DOLPP1: variants seen among roughly 807,000 people sequenced by gnomAD.
DOLPP1 encodes dolichyldiphosphatase 1.
In DOLPP1, 15 loss-of-function variants were observed where a neutral mutation model predicts 34.1. The ratio of observed to expected loss-of-function variants is 0.44; its 90% CI spans 0.29 to 0.68. DOLPP1 has a LOEUF of 0.68. DOLPP1 is among the 30% of genes least tolerant of loss of function. DOLPP1 has a pLI of 0.12. For synonymous variants in DOLPP1, 130 were observed against 128.2 expected, an observed-to-expected ratio of 1.01 and a Z score of -0.10; for missense variants, 249 against 307.1, an observed-to-expected ratio of 0.81 and a Z score of 1.41.
chr9:129,082,764 A>G (rs909672440), intron 1 of DOLPP1, among the ~76,000 whole-genome samples: 3 of 151,944 alleles, frequency 2.0e-5, no homozygotes, highest in Non-Finnish European at 4.4e-5. Flanking sequence ...CATTCATTCA[A>G]CAGTTTTTGA....
At position 129,086,760 on chromosome 9, in the gene DOLPP1, A is replaced by G. The variant is rs141291952; in HGVS notation, c.642A>G (p.Val214=). 3.1e-6 allele frequency: 5 copies of G among 1,613,466 alleles called. No homozygotes were observed. The highest frequency in any genetic ancestry group is 1.1e-5 in the South Asian group (1 of 91,076). ...GAGACACAAGCCTCATTCCCAACGT[A>G]CTCTGGTTTGAGTACACGGTAACCC... ...LIRDTSLIPN[V]LWFEYTVTRA... The change falls in exon 7 of 8, where the codon GTA becomes GTG. Residue 214 remains valine, a synonymous_variant. Coordinates refer to ENST00000372546, the MANE Select transcript of DOLPP1 (RefSeq NM_020438.5).
Position 129,085,475 on chromosome 9 carries a change from C to T in DOLPP1, c.363-43C>T, listed in dbSNP as rs1192680174. On this transcript the variant is annotated intron_variant, in intron 4 of 7. Transcript: ENST00000372546. The surrounding 1 kb of genome is among the most constrained non-coding windows in gnomAD (Gnocchi z 7.0). ...CCAGGGACTGTTTGGGAGGCCTGGG[C>T]TGGGCTGTGGGCTGAGGTCATCTGG... 1 of 1,594,906 alleles carries T rather than the reference C, an allele frequency of 6.3e-7. No homozygotes were observed. The highest frequency in any genetic ancestry group is 1.7e-5 in the Admixed American group (1 of 59,748).
chr9:129,085,300 AT>A lies in DOLPP1; in HGVS notation c.359del (p.Leu120Ter). The A allele has an allele frequency of 6.2e-7, 1 of 1,613,648 alleles. No individual in the cohort carries two copies. The highest frequency in any genetic ancestry group is 8.5e-7 in the Non-Finnish European group (1 of 1,179,786). On this transcript the variant is annotated frameshift_variant, in exon 4 of 8. Transcript: ENST00000372546. LOFTEE classifies it high-confidence loss of function. This position sits in a 1 kb window ranked among gnomAD's most constrained non-coding sequence, Gnocchi z 7.0. The stretch of plus-strand genomic sequence containing the variant: ...TCCGTCTATTCCTTCCTTTTCCTGT[AT>A]TTAAGGTGAGTTTCCACCCCGGTCA... ...FFSVYSFLFL[Y>X]LRMHQTNNAR... is the part of the protein sequence containing the mutation.
In DOLPP1 at chr9:129,089,054, GC is replaced by G. The variant is rs1388926741; in HGVS notation, c.*49del. The stretch of plus-strand genomic sequence containing the variant: ...AGCCTCCAGATCTGGCCCGCACGAT[GC>G]CTTGCAGGATGGACAGGATGACAGA... On this transcript the variant is annotated 3_prime_UTR_variant, in exon 8 of 8. Transcript: ENST00000372546. This position sits in a 1 kb window ranked among gnomAD's most constrained non-coding sequence, Gnocchi z 4.9. The G allele has an allele frequency of 2.5e-6, 4 of 1,601,522 alleles. No homozygotes were observed. Among genetic ancestry groups the G allele is most frequent in the Middle Eastern group, 1.7e-4 (1 of 6,030 alleles).
Position 129,081,140 on chromosome 9 carries a change from G to T in DOLPP1, c.9G>T (p.Ala3=), listed in dbSNP as rs754923282. The part of the protein sequence containing the change: MA[A]DGQCSLPASW... The stretch of plus-strand genomic sequence containing the variant: ...CCCGGTCTCCGGGTAAGATGGCAGC[G>T]GACGGACAGTGCTCGCTCCCCGCTT... The change falls in exon 1 of 8, where the codon GCG becomes GCT. Residue 3 remains alanine, a synonymous_variant. Transcript: ENST00000372546. 1 of 1,608,818 alleles carries T rather than the reference G, an allele frequency of 6.2e-7. No homozygotes were observed. Among genetic ancestry groups the T allele is most frequent in the Non-Finnish European group, 8.5e-7 (1 of 1,179,288 alleles).
At position 129,086,133 on chromosome 9, in the gene DOLPP1, G is replaced by T. The variant is rs1378371313; in HGVS notation, c.462-6G>T. On this transcript the variant is annotated splice_region_variant and splice_polypyrimidine_tract_variant and intron_variant, in intron 5 of 7. Transcript: ENST00000372546. ...CTCACATACTTCGCTTCTGGCCTTG[G>T]CCCAGGGTCTACCTGCTGTACCACA... The T allele has an allele frequency of 4.3e-6, 7 of 1,612,632 alleles. No homozygotes were observed. The highest frequency in any genetic ancestry group is 5.9e-6 in the Non-Finnish European group (7 of 1,179,624).
At chr9:129,082,112 C>G (rs1846900593) in intron 1 of DOLPP1, among the ~76,000 whole-genome samples, 2 of 152,222 alleles carry the variant, frequency 1.3e-5, no homozygotes, top group African/African-American at 4.8e-5. Context: ...TTGCAAGACC[C>G]TCCCTGGGTA....
intron 7 of DOLPP1, among the ~76,000 whole-genome samples, chr9:129,088,582 A>G (rs1210019173): frequency 6.6e-6 from 1 of 151,964 alleles, no homozygotes; most frequent in African/African-American, 2.4e-5. Flanking sequence ...AGCTCACTAC[A>G]TTTCTGTACT....
rs2131419814 is a variant in DOLPP1 at position 129,089,704 on chromosome 9, T to G, written c.*697T>G. 1 of 152,876 alleles carries G rather than the reference T, an allele frequency of 6.5e-6. No individual in the cohort carries two copies. Among genetic ancestry groups the G allele is most frequent in the East Asian group, 1.9e-4 (1 of 5,182 alleles). The allele number at this position is 152,876 out of a possible 1,614,324, so 9.5% of individuals were successfully genotyped here. On this transcript the variant is annotated 3_prime_UTR_variant, in exon 8 of 8. Coordinates refer to ENST00000372546, the MANE Select transcript of DOLPP1 (RefSeq NM_020438.5). The surrounding 1 kb of genome is among the most constrained non-coding windows in gnomAD (Gnocchi z 4.9). ...GACCCAACACCACAAGGGCTTTCTC[T>G]GGTCCCCTGTCCCTAAGACAATAAT...
intron 2 of DOLPP1, 57 bp downstream of exon 2, chr9:129,084,825 T>A (rs1221525858): frequency 6.8e-6 from 8 of 1,184,094 alleles, no homozygotes; most frequent in Non-Finnish European, 8.3e-6. Flanking sequence ...CCACCCTGCT[T>A]TGGGAAGCCC....
chr9:129,081,237 C>T (rs1184535316), intron 1 of DOLPP1, 30 bp downstream of exon 1: 1 of 1,604,746 alleles, frequency 6.2e-7, no homozygotes, highest in Non-Finnish European at 8.5e-7. Flanking sequence ...CCAAGGACGC[C>T]TTCCCAGGGA....
chr9:129,089,102 T>G lies in DOLPP1; in HGVS notation c.*95T>G. On this transcript the variant is annotated 3_prime_UTR_variant, in exon 8 of 8. Coordinates refer to ENST00000372546, the MANE Select transcript of DOLPP1 (RefSeq NM_020438.5). The surrounding 1 kb of genome is among the most constrained non-coding windows in gnomAD (Gnocchi z 4.9). ...CAGACAGGGACGAAGCAGAGACCTC[T>G]ACAGACCCAAGTCACCAAGTGGAGC... The G allele has an allele frequency of 1.5e-6, 2 of 1,312,372 alleles. No individual in the cohort carries two copies. The highest frequency in any genetic ancestry group is 2.2e-6 in the Non-Finnish European group (2 of 919,184). The allele number at this position is 1,312,372 out of a possible 1,614,324, so 81.3% of individuals were successfully genotyped here.
intron 1 of DOLPP1, 178 bp from the exon 2 acceptor site, chr9:129,084,490 G>A (rs1055634765): frequency 1.9e-5 from 13 of 693,904 alleles, no homozygotes; most frequent in South Asian, 9.6e-5. Context: ...ACAGCATCAC[G>A]TATGGCTGTG....
At chr9:129,083,372 G>C (rs1183118206) in intron 1 of DOLPP1, among the ~76,000 whole-genome samples, 4 of 152,144 alleles carry the variant, frequency 2.6e-5, no homozygotes, top group African/African-American at 4.8e-5. Flanking sequence ...AGAGGCCCAG[G>C]AAAGAGAAGG....
intron 1 of DOLPP1, among the ~76,000 whole-genome samples, chr9:129,083,760 T>C (rs1197971927): frequency 6.6e-6 from 1 of 152,176 alleles, no homozygotes; most frequent in Non-Finnish European, 1.5e-5. Context: ...GGCACTGATA[T>C]CCCTATTCCA....
intron 7 of DOLPP1, among the ~76,000 whole-genome samples, chr9:129,088,421 C>T (rs915757369): frequency 1.3e-5 from 2 of 152,024 alleles, no homozygotes; most frequent in African/African-American, 2.4e-5. Flanking sequence ...CTCTGTCAGC[C>T]CCTCTAGAAA....
chr9:129,090,323 G>A lies in DOLPP1; in HGVS notation c.*1316G>A, dbSNP rs892876706. On this transcript the variant is annotated 3_prime_UTR_variant, in exon 8 of 8. Transcript: ENST00000372546. ...AGGTCGGTTTCCATGTTTCCCTCCCGTTATTTTTATTTTTTACTTTTTGCC... is the reference window on the plus strand; with the variant it reads ...AGGTCGGTTTCCATGTTTCCCTCCCATTATTTTTATTTTTTACTTTTTGCC... 10 of 152,638 alleles carry A rather than the reference G, an allele frequency of 6.6e-5. No homozygotes were observed. Among genetic ancestry groups the A allele is most frequent in the Middle Eastern group, 3.4e-3 (1 of 294 alleles). The allele number at this position is 152,638 out of a possible 1,614,324, so 9.5% of individuals were successfully genotyped here.
At chr9:129,083,230 T>C (rs1846923463) in intron 1 of DOLPP1, among the ~76,000 whole-genome samples, 1 of 152,134 alleles carries the variant, frequency 6.6e-6, no homozygotes, top group Non-Finnish European at 1.5e-5. Context: ...CCAGAGTCCC[T>C]GGTAGCATCT....
intron 1 of DOLPP1, among the ~76,000 whole-genome samples, chr9:129,081,412 T>C (rs1043317743): frequency 1.6e-4 from 25 of 151,906 alleles, no homozygotes; most frequent in African/African-American, 6.0e-4. Flanking sequence ...TGTGAGGCGC[T>C]CGCTCGCGCA....
Sources: gnomAD v4.1 joint callset for allele counts (sites outside exome capture counted in the v4.1 genomes callset) on GRCh38, gnomAD v4.1.1 for gene constraint, Gnocchi (gnomAD v3.1) non-coding constraint, MANE v1.5 for transcripts, NCBI Gene and HGNC (gene_info 2026-07-23, HGNC 2026-07-21) for gene names.